The following TRPM1 variants were observed in gnomAD, a reference collection of about 807,000 sequenced individuals.
The protein encoded by TRPM1 is transient receptor potential cation channel subfamily M member 1.
A neutral mutation model predicts 149.4 loss-of-function variants in TRPM1; 113 were observed. The observed-to-expected ratio is 0.76, with a 90% confidence interval of 0.65 to 0.88. TRPM1 has a LOEUF of 0.88. TRPM1 is among the 40% of genes least tolerant of loss of function. The probability of loss-of-function intolerance (pLI) is 0.00; values close to 1 mark genes in which losing one functional copy is unlikely to be tolerated. For synonymous variants in TRPM1, 741 were observed against 759.5 expected (o/e 0.98, Z 0.40); for missense variants, 1,976 against 2,038.7 (o/e 0.97, Z 0.59).
chr15:31,067,004 A>T, intron 6 of TRPM1, 59 bp downstream of exon 6: 2 of 1,600,736 alleles, frequency 1.2e-6, no homozygotes, highest in Non-Finnish European at 1.7e-6. Context: ...ATCAACGGTT[A>T]CCTCAAAATC....
intron 2 of TRPM1, among the ~76,000 whole-genome samples, chr15:31,080,986 C>A (rs918880099): frequency 6.6e-6 from 1 of 152,146 alleles, no homozygotes; most frequent in East Asian, 1.9e-4. Context: ...GTGCCCCTCG[C>A]TGGCTTTTGT....
intron 1 of TRPM1, among the ~76,000 whole-genome samples, chr15:31,126,962 G>A (rs933862088): frequency 4.4e-4 from 42 of 94,618 alleles, no homozygotes; most frequent in African/African-American, 1.8e-3. Flanking sequence ...GTGAGATCCT[G>A]TCTCAAAACA....
At chr15:31,081,114 T>G (rs1474800866) in intron 2 of TRPM1, among the ~76,000 whole-genome samples, 1 of 152,140 alleles carries the variant, frequency 6.6e-6, no homozygotes, top group Non-Finnish European at 1.5e-5. Flanking sequence ...GCATCGGTCT[T>G]GCATTTTGTC....
chr15:31,090,910 A>G (rs1204720221), intron 1 of TRPM1, among the ~76,000 whole-genome samples: 1 of 152,198 alleles, frequency 6.6e-6, no homozygotes, highest in Non-Finnish European at 1.5e-5. Context: ...TAGCTTGTCT[A>G]TGACATGGAG....
At chr15:31,149,521 TC>T (rs2036265282) in intron 1 of TRPM1, among the ~76,000 whole-genome samples, 5 of 112,454 alleles carry the variant, frequency 4.4e-5, no homozygotes, top group Non-Finnish European at 9.5e-5. Context: ...TGCATCTCTC[TC>T]TCTCTTTTTT....
intron 1 of TRPM1, among the ~76,000 whole-genome samples, chr15:31,113,430 CAG>C (rs1002984594): frequency 6.5e-5 from 6 of 91,854 alleles, no homozygotes; most frequent in Non-Finnish European, 1.2e-4. Context: ...CCAGCTCTGA[CAG>C]TTTTTTTTTT....
In TRPM1 at chr15:31,026,199, C is replaced by T. The variant is rs747108363; in HGVS notation, c.3569G>A (p.Arg1190Gln). Residue 1190 changes from arginine to glutamine, a missense_variant, in exon 27 of 28, where the codon CGG (arginine) becomes CAG (glutamine). Around this residue, in one of 3 missense-constraint regions of TRPM1, gnomAD observed 572 missense variants for 578.9 expected, o/e 0.99. Coordinates refer to ENST00000256552, the MANE Select transcript of TRPM1 (RefSeq NM_001252024.2). ...FEEQCVQEHF[R>Q]EKEDEQQSSS... is the part of the protein sequence containing the mutation. ...CGACTGCTGCTCATCCTCCTTCTCC[C>T]GGAAGTGCTCCTGCACGCACTGCTC... 1.9e-6 allele frequency: 3 copies of T among 1,612,436 alleles called. No individual in the cohort carries two copies. Among genetic ancestry groups the T allele is most frequent in the Admixed American group, 1.7e-5 (1 of 60,014 alleles).
rs552162367 is a variant in TRPM1, at chr15:31,128,288, C to T, written c.54+32618G>A. On this transcript the variant is annotated intron_variant, in intron 1 of 26. Coordinates refer to the TRPM1 transcript ENST00000542188. ...GACTGTGGGGTGAGAACGCCATCCC[C>T]CTGTCCTGGGCTGTGCCCACCGGCT... 3.9e-5 allele frequency among the ~76,000 whole-genome samples: 6 copies of T among 152,292 alleles called. No individual in the cohort carries two copies. In the South Asian group the frequency reaches 1.2e-3, roughly 32 times the overall value.
At chr15:31,061,571 G>GGTGTT in intron 9 of TRPM1, 57 bp from the exon 10 acceptor site, 3 of 1,479,672 alleles carry the variant, frequency 2.0e-6, no homozygotes, top group Non-Finnish European at 2.8e-6. Flanking sequence ...GGAGATATGG[G>GGTGTT]GTGTTGTTAC....
chr15:31,090,699 G>A (rs144293576), intron 1 of TRPM1, among the ~76,000 whole-genome samples: 119 of 151,930 alleles, frequency 7.8e-4, no homozygotes, highest in Middle Eastern at 3.4e-3. Context: ...CAACAAGTCT[G>A]AATGGTGCTG....
Position 31,135,685 on chromosome 15 carries a change from T to A in TRPM1, c.54+25221A>T, listed in dbSNP as rs1481113213. Reference sequence around the variant, plus strand: ...CAGGAGTATCTTGGTGCCGTCATCCTTGCAGTAATGAGTGAACTCTCACTC... The same window carrying A: ...CAGGAGTATCTTGGTGCCGTCATCCATGCAGTAATGAGTGAACTCTCACTC... On this transcript the variant is annotated intron_variant, in intron 1 of 26. Transcript: ENST00000542188. Among the ~76,000 whole-genome samples, 5 of 152,102 alleles carry A rather than the reference T, an allele frequency of 3.3e-5. No individual in the cohort carries two copies. The South Asian group carries it at 6.2e-4, about 19-fold the overall frequency.
chr15:31,137,911 G>A (rs1334929693), intron 1 of TRPM1, among the ~76,000 whole-genome samples: 4 of 152,066 alleles, frequency 2.6e-5, no homozygotes, highest in South Asian at 2.1e-4. Flanking sequence ...AAAAACCTAC[G>A]GAAGTTTTCT....
At chr15:31,022,671 G>T (rs2032588715) in intron 27 of TRPM1, among the ~76,000 whole-genome samples, 2 of 152,108 alleles carry the variant, frequency 1.3e-5, no homozygotes, top group East Asian at 1.9e-4. Context: ...GAGCATAGCT[G>T]GTTTCCTTTT....
intron 14 of TRPM1, 102 bp downstream of exon 14, chr15:31,047,787 G>T: frequency 1.1e-6 from 1 of 947,122 alleles, no homozygotes; most frequent in Non-Finnish European, 1.7e-6. Flanking sequence ...ATTATCTCCT[G>T]TGCCTGGAAT....
chr15:31,087,547 C>G (rs974752125), intron 1 of TRPM1, among the ~76,000 whole-genome samples: 4 of 152,184 alleles, frequency 2.6e-5, no homozygotes, highest in Non-Finnish European at 5.9e-5. Flanking sequence ...AGCCACCATG[C>G]CCGGCCTCAA....
chr15:31,111,307 T>A (rs2035685629), intron 1 of TRPM1, among the ~76,000 whole-genome samples: 1 of 152,228 alleles, frequency 6.6e-6, no homozygotes, highest in Non-Finnish European at 1.5e-5. Flanking sequence ...TGTGCTGGCA[T>A]CCCTGAGAGT....
At chr15:31,096,038 CT>C (rs2035371857) in intron 1 of TRPM1, among the ~76,000 whole-genome samples, 1 of 142,380 alleles carries the variant, frequency 7.0e-6, no homozygotes, top group African/African-American at 2.7e-5. Flanking sequence ...AAGAGCAAAA[CT>C]CTGTCTCAAA....
chr15:31,125,729 CAAAAAAAAA>C (rs59878175), intron 1 of TRPM1, among the ~76,000 whole-genome samples: 1 of 52,760 alleles, frequency 1.9e-5, no homozygotes, highest in African/African-American at 7.3e-5. Context: ...GACTCCGTCT[CAAAAAAAAA>C]AAAAAAAAAA....
intron 27 of TRPM1, among the ~76,000 whole-genome samples, chr15:31,009,688 G>T (rs563395205): frequency 6.6e-6 from 1 of 152,010 alleles, no homozygotes; most frequent in African/African-American, 2.4e-5. Context: ...TATACCTTTT[G>T]TTATTGCCCC....
Sources: allele counts gnomAD v4.1 joint callset (sites outside exome capture counted in the v4.1 genomes callset), GRCh38; gene constraint gnomAD v4.1.1; regional missense constraint gnomAD v4.1.1; transcripts MANE v1.5; gene names NCBI Gene and HGNC (gene_info 2026-07-23, HGNC 2026-07-21).